AP1AR: variants seen among roughly 807,000 people sequenced by gnomAD.
AP1AR encodes the protein AP-1 complex-associated regulatory protein.
In AP1AR, 29 loss-of-function variants were observed where a neutral mutation model predicts 46.3. That is an observed-to-expected ratio of 0.63 (90% CI 0.47 to 0.85). AP1AR has a LOEUF of 0.85. Ranked by LOEUF, AP1AR falls within the 40% of genes least tolerant of loss-of-function variation. AP1AR has a pLI of 0.00. For synonymous variants in AP1AR, 122 were observed against 122.9 expected (o/e 0.99, Z 0.05); for missense variants, 357 against 356.3 (o/e 1.00, Z -0.02).
intron 4 of AP1AR, 114 bp from the exon 5 acceptor site, chr4:112,260,651 AC>A (rs1560611606): frequency 4.8e-6 from 3 of 623,552 alleles, no homozygotes; most frequent in Non-Finnish European, 8.0e-6. Context: ...AATTGCTTTA[AC>A]ATTTTTAACA....
Position 112,272,897 on chromosome 4 carries a change from T to C in AP1AR, c.*4488T>C, listed in dbSNP as rs1484749748. 6.6e-6 allele frequency: 1 copy of C among 152,140 alleles called. No individual in the cohort carries two copies. The highest frequency in any genetic ancestry group is 6.6e-5 in the Admixed American group (1 of 15,264). 9.4% of individuals were successfully genotyped at this position (152,140 alleles called of 1,614,324 possible). ...AGAGGCCAGAGGTTTCGTTTAACTA[T>C]GTAAACATGTCCTAATCATAATTTC... On this transcript the variant is annotated 3_prime_UTR_variant, in exon 10 of 10. Transcript: ENST00000274000.
intron 5 of AP1AR, among the ~76,000 whole-genome samples, chr4:112,262,355 C>T (rs971187855): frequency 6.6e-5 from 10 of 152,184 alleles, no homozygotes; most frequent in South Asian, 2.1e-4. Flanking sequence ...AAAGCATTAA[C>T]GTAAGCTATA....
chr4:112,255,116 C>T (rs1338071388), intron 3 of AP1AR, among the ~76,000 whole-genome samples: 8 of 151,970 alleles, frequency 5.3e-5, no homozygotes, highest in Non-Finnish European at 1.0e-4. Flanking sequence ...CCCGCCACTA[C>T]GCCCGGCTAA....
intron 1 of AP1AR, among the ~76,000 whole-genome samples, chr4:112,249,720 G>A (rs1287155032): frequency 6.6e-6 from 1 of 152,036 alleles, no homozygotes; most frequent in Non-Finnish European, 1.5e-5. Flanking sequence ...TTTCTTACCT[G>A]TATATATTGC....
intron 9 of AP1AR, chr4:112,266,932 TA>T: frequency 5.2e-6 from 2 of 384,654 alleles, no homozygotes; most frequent in Non-Finnish European, 9.2e-6. Context: ...ATTTAGAAAA[TA>T]AATGTCGATT....
At chr4:112,258,247 T>A (rs1213984786) in intron 4 of AP1AR, among the ~76,000 whole-genome samples, 1 of 149,418 alleles carries the variant, frequency 6.7e-6, no homozygotes, top group Admixed American at 6.6e-5. Flanking sequence ...GAAGTATCTT[T>A]AAGTCAAAAG....
At chr4:112,246,172 T>A (rs1479572990) in intron 1 of AP1AR, among the ~76,000 whole-genome samples, 1 of 152,168 alleles carries the variant, frequency 6.6e-6, no homozygotes. Context: ...AATGATGAGT[T>A]ATGTGATTTT....
chr4:112,268,621 C>A lies in AP1AR; in HGVS notation c.*212C>A. 1 of 409,708 alleles carries A rather than the reference C, an allele frequency of 2.4e-6. No homozygotes were observed. The highest frequency in any genetic ancestry group is 3.7e-5 in the East Asian group (1 of 26,688). 25.4% of individuals were successfully genotyped at this position (409,708 alleles called of 1,614,324 possible). A position where few individuals can be genotyped will look rare whatever the true frequency, so the allele number is the denominator to read the frequency against. ...ATCATCTGCCTTCTGCTTTTCAAGA[C>A]CAATTTAATGGTCCTGTCATGTTAC... On this transcript the variant is annotated 3_prime_UTR_variant, in exon 10 of 10. Transcript: ENST00000274000.
chr4:112,263,108 A>G (rs1315126439), intron 6 of AP1AR, 22 bp downstream of exon 6: 6 of 1,585,202 alleles, frequency 3.8e-6, no homozygotes, highest in Non-Finnish European at 5.2e-6. Context: ...AGACCCCAGC[A>G]TATATTAGGG....
At chr4:112,267,507 G>A (rs1486737312) in intron 9 of AP1AR, among the ~76,000 whole-genome samples, 1 of 151,920 alleles carries the variant, frequency 6.6e-6, no homozygotes, top group Admixed American at 6.6e-5. Flanking sequence ...AGAGTCAGAA[G>A]AGCATAATAC....
In AP1AR at chr4:112,272,412, GAC is replaced by G. The variant is rs1261709511; in HGVS notation, c.*4005_*4006del. On this transcript the variant is annotated 3_prime_UTR_variant, in exon 10 of 10. Transcript: ENST00000274000. The stretch of plus-strand genomic sequence containing the variant: ...AGACATGCGCAGTAAGGGGCAAAAT[GAC>G]AGAGTTTGACAAATATATGACCTTC... 6.6e-6 allele frequency among the ~76,000 whole-genome samples: 1 copy of G among 152,126 alleles called. No homozygotes were observed. Among genetic ancestry groups the G allele is most frequent in the Non-Finnish European group, 1.5e-5 (1 of 68,004 alleles).
At chr4:112,242,751 G>A (rs1338451042) in intron 1 of AP1AR, among the ~76,000 whole-genome samples, 1 of 152,164 alleles carries the variant, frequency 6.6e-6, no homozygotes, top group Non-Finnish European at 1.5e-5. Context: ...TAACAATGGA[G>A]ATCAAATTTC....
rs143104739 is a variant in AP1AR at position 112,240,223 on chromosome 4, T to G, written c.83+8049T>G. 3.6e-3 allele frequency among the ~76,000 whole-genome samples: 553 copies of G among 152,336 alleles called. 6 individuals carry two copies. Among genetic ancestry groups the G allele is most frequent in the Middle Eastern group, 0.01 (3 of 294 alleles). Reference sequence around the variant, plus strand: ...TTTATTTTTTTATTTTTGCTTCATGTGTGTCACACTTTTCCTTGAATCTAT... The same window carrying G: ...TTTATTTTTTTATTTTTGCTTCATGGGTGTCACACTTTTCCTTGAATCTAT... On this transcript the variant is annotated intron_variant, in intron 1 of 9. Transcript: ENST00000274000.
intron 4 of AP1AR, among the ~76,000 whole-genome samples, chr4:112,258,473 A>G (rs540437124): frequency 9.2e-5 from 14 of 152,356 alleles, no homozygotes; most frequent in African/African-American, 3.1e-4. Context: ...ACTAATTTCA[A>G]TATGAGGTAG....
chr4:112,259,534 A>G (rs1484248537), intron 4 of AP1AR, among the ~76,000 whole-genome samples: 2 of 152,326 alleles, frequency 1.3e-5, no homozygotes, highest in Non-Finnish European at 1.5e-5. Context: ...TATGCTGACT[A>G]TTGATATTAT....
At chr4:112,264,314 T>A (rs920270544) in intron 6 of AP1AR, among the ~76,000 whole-genome samples, 1 of 152,156 alleles carries the variant, frequency 6.6e-6, no homozygotes, top group Non-Finnish European at 1.5e-5. Flanking sequence ...TTCTCTGAGT[T>A]TTTCCTACCC....
rs202173502 is a variant in AP1AR, at chr4:112,253,211, C to G, written c.87C>G (p.Ser29=). The stretch of plus-strand genomic sequence containing the variant: ...GTTATTCTGTTTTCCTTCCCAGATC[C>G]AAGTATTTTAGAACATGCTCAAGAG... The part of the protein sequence containing the change: ...RLQRVGGGGG[S]KYFRTCSRGE... The change falls in exon 2 of 10, where the codon TCC becomes TCG. Residue 29 remains serine, a synonymous_variant. Coordinates refer to ENST00000274000, the MANE Select transcript of AP1AR (RefSeq NM_018569.6). The G allele has an allele frequency of 6.2e-7, 1 of 1,607,140 alleles. No homozygotes were observed. The highest frequency in any genetic ancestry group is 2.2e-5 in the East Asian group (1 of 44,608).
intron 5 of AP1AR, among the ~76,000 whole-genome samples, chr4:112,261,175 G>T (rs1391031588): frequency 6.6e-6 from 1 of 152,208 alleles, no homozygotes; most frequent in African/African-American, 2.4e-5. Context: ...GCTCACATCT[G>T]TAATCCCAGC....
rs553967493 is a variant in AP1AR, at chr4:112,232,011, C to G, written c.-81C>G. ...CCTTGAACCCCATTTCGGCTCGTGC[C>G]GTGCGGATGCAGCTGCCGGGCCTGG... On this transcript the variant is annotated 5_prime_UTR_variant, in exon 1 of 10. Coordinates refer to ENST00000274000, the MANE Select transcript of AP1AR (RefSeq NM_018569.6). 8.0e-7 allele frequency: 1 copy of G among 1,249,648 alleles called. No individual in the cohort carries two copies. Among genetic ancestry groups the G allele is most frequent in the South Asian group, 2.4e-5 (1 of 42,360 alleles). 77.4% of individuals were successfully genotyped at this position (1,249,648 alleles called of 1,614,324 possible).
Sources: gnomAD v4.1 joint callset for allele counts (sites outside exome capture counted in the v4.1 genomes callset) on GRCh38, gnomAD v4.1.1 for gene constraint, MANE v1.5 for transcripts, NCBI Gene and HGNC (gene_info 2026-07-23, HGNC 2026-07-21) for gene names.